The following ILKAP variants were observed in gnomAD, a reference collection of about 807,000 sequenced individuals.
ILKAP encodes the protein ILK associated serine/threonine phosphatase, also known as integrin-linked kinase-associated serine/threonine phosphatase 2C.
Under a neutral mutation model 49.1 loss-of-function variants are expected in ILKAP, and 11 were observed. That is an observed-to-expected ratio of 0.22 (90% CI 0.14 to 0.37). ILKAP has a LOEUF of 0.37. Among genes scored for constraint, ILKAP ranks in the 10% least tolerant of loss-of-function variants. The pLI is 1.00. For missense variants in ILKAP, 363 were observed against 510.8 expected (o/e 0.71, Z 2.79); for synonymous variants, 186 against 192.8 (o/e 0.96, Z 0.29).
chr2:238,181,422 A>G (rs1019332325), intron 9 of ILKAP, among the ~76,000 whole-genome samples: 1 of 152,220 alleles, frequency 6.6e-6, no homozygotes, highest in African/African-American at 2.4e-5. Context: ...CAGAGCAGAC[A>G]TATGGTTTTC....
At chr2:238,194,569 A>C in intron 2 of ILKAP, 1 of 604,184 alleles carries the variant, frequency 1.7e-6, no homozygotes, top group South Asian at 2.2e-5. Context: ...TAGTAAAATA[A>C]ATACTCAAAT....
chr2:238,200,513 A>G (rs1694524723), intron 1 of ILKAP, among the ~76,000 whole-genome samples: 1 of 152,198 alleles, frequency 6.6e-6, no homozygotes, highest in South Asian at 2.1e-4. Flanking sequence ...GCGTTTTTCC[A>G]CTTTTAAACA....
chr2:238,187,453 T>TAATACATATTATTA (rs1553591662), intron 5 of ILKAP, among the ~76,000 whole-genome samples: 5 of 151,894 alleles, frequency 3.3e-5, no homozygotes, highest in Admixed American at 2.6e-4. Flanking sequence ...GTAACCTATG[T>TAATACATATTATTA]AATATGTACT....
intron 1 of ILKAP, among the ~76,000 whole-genome samples, chr2:238,200,157 G>A (rs190897179): frequency 7.9e-5 from 12 of 152,258 alleles, no homozygotes; most frequent in Non-Finnish European, 1.2e-4. Context: ...ACTTTTATGG[G>A]TATGACATAG....
At chr2:238,189,530 T>C (rs1022592438) in intron 4 of ILKAP, among the ~76,000 whole-genome samples, 11 of 152,112 alleles carry the variant, frequency 7.2e-5, no homozygotes, top group Non-Finnish European at 1.0e-4. Context: ...CAAACAAAGA[T>C]TGGAAGTCAG....
intron 1 of ILKAP, among the ~76,000 whole-genome samples, chr2:238,196,043 C>CCAAAAAA (rs1479902954): frequency 1.5e-5 from 1 of 67,868 alleles, no homozygotes; most frequent in African/African-American, 6.3e-5. Flanking sequence ...GACTCTGTCA[C>CCAAAAAA]AAAAAAAAAA....
Position 238,170,532 on chromosome 2 carries a change from C to T in ILKAP, c.*4G>A. On this transcript the variant is annotated 3_prime_UTR_variant, in exon 12 of 12. Transcript: ENST00000254654. Reference sequence around the variant, plus strand: ...CATGCGTGCTCCTGGCCGCGCGCCACCCCTCAGTGCCCTATCCGCACCACC... The same window carrying T: ...CATGCGTGCTCCTGGCCGCGCGCCATCCCTCAGTGCCCTATCCGCACCACC... 6.3e-7 allele frequency: 1 copy of T among 1,585,730 alleles called. No individual in the cohort carries two copies.
intron 3 of ILKAP, among the ~76,000 whole-genome samples, chr2:238,193,556 A>T (rs1694229116): frequency 1.3e-5 from 2 of 152,206 alleles, no homozygotes; most frequent in Admixed American, 6.5e-5. Flanking sequence ...TAAGGGTACT[A>T]TCTTTATTGG....
chr2:238,182,781 G>C (rs1326130175), intron 8 of ILKAP, among the ~76,000 whole-genome samples: 3 of 152,164 alleles, frequency 2.0e-5, no homozygotes. Flanking sequence ...TTTTCCTCTT[G>C]CTATTTCTGA....
intron 1 of ILKAP, among the ~76,000 whole-genome samples, chr2:238,200,367 G>C (rs757413221): frequency 7.9e-5 from 12 of 152,054 alleles, no homozygotes; most frequent in Non-Finnish European, 1.5e-4. Context: ...GAGGTTTAGG[G>C]GTGGGAACAT....
At chr2:238,203,324 C>A (rs1694655512) in intron 1 of ILKAP, among the ~76,000 whole-genome samples, 175 bp downstream of exon 1, 1 of 150,626 alleles carries the variant, frequency 6.6e-6, no homozygotes, top group African/African-American at 2.4e-5. Flanking sequence ...ACCGGGCCTC[C>A]GACAGGGCCG....
At chr2:238,190,871 T>A (rs1037963406) in intron 3 of ILKAP, among the ~76,000 whole-genome samples, 5 of 118,798 alleles carry the variant, frequency 4.2e-5, no homozygotes, top group Non-Finnish European at 6.8e-5. Context: ...GTAAGACGTT[T>A]CTCTTTAAAA....
At chr2:238,176,151 T>TTTTTTG (rs1553586583) in intron 9 of ILKAP, among the ~76,000 whole-genome samples, 1 of 147,756 alleles carries the variant, frequency 6.8e-6, no homozygotes, top group African/African-American at 2.5e-5. Context: ...TTTTTTTTTT[T>TTTTTTG]GAGACAGAGT....
chr2:238,185,077 A>G (rs1254487487), intron 6 of ILKAP, 104 bp downstream of exon 6: 3 of 716,290 alleles, frequency 4.2e-6, no homozygotes, highest in Non-Finnish European at 7.4e-6. Flanking sequence ...AGACTCATCA[A>G]TGATTCTCTG....
At chr2:238,170,900 G>A (rs1296576083) in intron 11 of ILKAP, 43 bp downstream of exon 11, 1 of 1,563,104 alleles carries the variant, frequency 6.4e-7, no homozygotes, top group South Asian at 1.1e-5. Flanking sequence ...TGAAAACTAA[G>A]ACACAATTGG....
At chr2:238,175,078 A>G (rs1020429554) in intron 9 of ILKAP, among the ~76,000 whole-genome samples, 3 of 152,124 alleles carry the variant, frequency 2.0e-5, no homozygotes, top group Non-Finnish European at 1.5e-5. Context: ...AAGTCTAAAG[A>G]AGGACAATAT....
At chr2:238,175,163 G>A (rs912454036) in intron 9 of ILKAP, among the ~76,000 whole-genome samples, 14 of 151,794 alleles carry the variant, frequency 9.2e-5, no homozygotes, top group African/African-American at 3.4e-4. Flanking sequence ...TGTTGCCCAG[G>A]CTGGAGGGCA....
intron 9 of ILKAP, among the ~76,000 whole-genome samples, chr2:238,180,068 G>C (rs1411731827): frequency 6.6e-6 from 1 of 152,080 alleles, no homozygotes; most frequent in Non-Finnish European, 1.5e-5. Flanking sequence ...CTACTTGGGA[G>C]GCTGAGGCTG....
At chr2:238,190,029 AC>A in intron 3 of ILKAP, 57 bp from the exon 4 acceptor site, 1 of 1,586,544 alleles carries the variant, frequency 6.3e-7, no homozygotes, top group African/African-American at 1.4e-5. Flanking sequence ...GGAAAAAGTC[AC>A]TAGTAGACTG....
Sources: allele counts gnomAD v4.1 joint callset (sites outside exome capture counted in the v4.1 genomes callset), GRCh38; gene constraint gnomAD v4.1.1; transcripts MANE v1.5; gene names NCBI Gene and HGNC (gene_info 2026-07-23, HGNC 2026-07-21).